CPXM2: variants seen among roughly 807,000 people sequenced by gnomAD.
CPXM2 encodes the protein carboxypeptidase X, M14 family member 2.
CPXM2 carries 66 observed loss-of-function variants against 86.1 expected under a neutral mutation model. The ratio of observed to expected loss-of-function variants is 0.77; its 90% CI spans 0.63 to 0.94. CPXM2 has a LOEUF of 0.94. CPXM2 is among the 40% of genes least tolerant of loss of function. The pLI is 0.00. For missense variants in CPXM2, 948 were observed against 1,026.3 expected (o/e 0.92, Z 1.04); for synonymous variants, 388 against 400.2 (o/e 0.97, Z 0.36).
In CPXM2 at chr10:123,768,818, A is replaced by C. The variant is rs1846558473; in HGVS notation, c.1103-96T>G. ...TGTGTTGGGGGGAAAGTCTTGAATA[A>C]TATAAGCTTACCGTTTTAGACCTAT... On this transcript the variant is annotated intron_variant, in intron 8 of 13. Transcript: ENST00000241305. 2.8e-6 allele frequency: 3 copies of C among 1,084,136 alleles called. No individual in the cohort carries two copies. The Admixed American group carries it at 6.3e-5, about 23-fold the overall frequency. The allele number at this position is 1,084,136 out of a possible 1,614,324, so 67.2% of individuals were successfully genotyped here. A position where few individuals can be genotyped will look rare whatever the true frequency, so the allele number is the denominator to read the frequency against.
chr10:123,763,880 T>A (rs1050547305), intron 10 of CPXM2, among the ~76,000 whole-genome samples: 1 of 152,182 alleles, frequency 6.6e-6, no homozygotes, highest in Non-Finnish European at 1.5e-5. Context: ...ATAGAAATAT[T>A]CTACTTTACA....
intron 3 of CPXM2, among the ~76,000 whole-genome samples, chr10:123,856,107 G>A (rs1038639879): frequency 4.6e-5 from 7 of 152,194 alleles, no homozygotes; most frequent in African/African-American, 1.7e-4. Flanking sequence ...TTTCTTCCAA[G>A]CTCTGATCTA....
chr10:123,794,426 T>C (rs1269335092), intron 6 of CPXM2, among the ~76,000 whole-genome samples: 1 of 152,168 alleles, frequency 6.6e-6, no homozygotes, highest in East Asian at 1.9e-4. Context: ...TGTAGCCTAG[T>C]GGGGTAATCA....
chr10:123,883,746 G>T (rs908595512), intron 1 of CPXM2, among the ~76,000 whole-genome samples: 2 of 152,216 alleles, frequency 1.3e-5, no homozygotes, highest in African/African-American at 4.8e-5. Context: ...AGAGCAAGGA[G>T]GGGACAGAGC....
chr10:123,937,750 A>G (rs926477609), intron 2 of CPXM2, among the ~76,000 whole-genome samples: 5 of 152,080 alleles, frequency 3.3e-5, no homozygotes, highest in Non-Finnish European at 7.4e-5. Flanking sequence ...GGCAACTTTT[A>G]TTTTTCTTTC....
intron 2 of CPXM2, among the ~76,000 whole-genome samples, chr10:123,872,576 T>C (rs951564449): frequency 1.3e-5 from 2 of 152,060 alleles, no homozygotes; most frequent in East Asian, 1.9e-4. Context: ...AGAACGAAAA[T>C]ATTTAAAAGA....
chr10:123,747,453 C>A (rs920760321), intron 13 of CPXM2, among the ~76,000 whole-genome samples: 1 of 152,188 alleles, frequency 6.6e-6, no homozygotes, highest in Admixed American at 6.5e-5. Flanking sequence ...GGGCTTTTCA[C>A]TTCTGGAAAG....
At chr10:123,826,528 G>C (rs749236800) in intron 4 of CPXM2, among the ~76,000 whole-genome samples, 1 of 151,940 alleles carries the variant, frequency 6.6e-6, no homozygotes, top group Non-Finnish European at 1.5e-5. Flanking sequence ...AAGGGGACAG[G>C]GTATGAAGGA....
At chr10:123,760,461 T>C (rs3808965) in intron 11 of CPXM2, among the ~76,000 whole-genome samples, 111,206 of 152,084 alleles carry the variant, frequency 0.73, 41,418 homozygotes, top group Non-Finnish European at 0.81. Context: ...AACTTCAAGC[T>C]TTCTGTACAT....
intron 2 of CPXM2, among the ~76,000 whole-genome samples, chr10:123,926,706 G>C (rs1312339904): frequency 5.9e-5 from 9 of 152,104 alleles, no homozygotes; most frequent in Non-Finnish European, 1.2e-4. Context: ...GAACATAAAC[G>C]TATGTCCAGA....
intron 3 of CPXM2, among the ~76,000 whole-genome samples, chr10:123,862,142 G>A (rs914053278): frequency 1.3e-5 from 2 of 152,332 alleles, no homozygotes; most frequent in South Asian, 4.1e-4. Flanking sequence ...ATGGTCCCAG[G>A]AGCCATGCAG....
In CPXM2 at chr10:123,891,201, G is replaced by A. The variant is rs1380069492; in HGVS notation, c.304+155C>T. 5.3e-5 allele frequency among the ~76,000 whole-genome samples: 8 copies of A among 152,132 alleles called. No individual in the cohort carries two copies. The East Asian group carries it at 9.7e-4, about 18-fold the overall frequency. On this transcript the variant is annotated intron_variant, in intron 1 of 13. Coordinates refer to ENST00000241305, the MANE Select transcript of CPXM2 (RefSeq NM_198148.3). The surrounding 1 kb of genome is among the most constrained non-coding windows in gnomAD (Gnocchi z 5.6). ...GGGAAGCTGGGCGGGCCGGCAGGAA[G>A]CGCAGATACAGTCCCTAGGGAGGCA...
intron 2 of CPXM2, among the ~76,000 whole-genome samples, chr10:123,903,952 C>A (rs953679158): frequency 6.6e-6 from 1 of 152,172 alleles, no homozygotes; most frequent in Non-Finnish European, 1.5e-5. Context: ...TCCTGCCAGC[C>A]CCCACACGGC....
intron 5 of CPXM2, 118 bp downstream of exon 5, chr10:123,798,997 A>C: frequency 9.0e-7 from 1 of 1,106,804 alleles, no homozygotes; most frequent in Admixed American, 1.7e-5. Context: ...CTGTAGTGGT[A>C]GGTTTGAGTT....
At chr10:123,856,341 G>A (rs1848723589) in intron 3 of CPXM2, among the ~76,000 whole-genome samples, 1 of 152,194 alleles carries the variant, frequency 6.6e-6, no homozygotes, top group East Asian at 1.9e-4. Context: ...TCTGTTTGAG[G>A]CTTGCCAGCT....
Position 123,865,618 on chromosome 10 carries a change from T to G in CPXM2, c.404-2895A>C, listed in dbSNP as rs189165251. Among the ~76,000 whole-genome samples the G allele has an allele frequency of 5.4e-3, 827 of 152,270 alleles. 2 individuals are homozygous for G. The highest frequency in any genetic ancestry group is 9.0e-3 in the Non-Finnish European group (612 of 68,004). Reference sequence around the variant, plus strand: ...CTCACGCATGCCTCCAGAGAGGGCCTGACTCACCTGGTCCCCTGGCTGCCC... The same window carrying G: ...CTCACGCATGCCTCCAGAGAGGGCCGGACTCACCTGGTCCCCTGGCTGCCC... On this transcript the variant is annotated intron_variant, in intron 2 of 13. Transcript: ENST00000241305. The surrounding 1 kb of genome is among the most constrained non-coding windows in gnomAD (Gnocchi z 4.7).
intron 2 of CPXM2, among the ~76,000 whole-genome samples, chr10:123,927,922 G>A (rs929662989): frequency 6.6e-6 from 1 of 152,186 alleles, no homozygotes; most frequent in Non-Finnish European, 1.5e-5. Context: ...GTAGGTACCA[G>A]GCACTTCCAT....
intron 8 of CPXM2, among the ~76,000 whole-genome samples, chr10:123,769,233 G>A (rs1023113961): frequency 2.6e-5 from 4 of 152,244 alleles, no homozygotes; most frequent in Admixed American, 6.5e-5. Context: ...GGGTGCTATG[G>A]TTTAATGTAT....
At chr10:123,933,357 G>A (rs1267292896) in intron 2 of CPXM2, among the ~76,000 whole-genome samples, 1 of 152,214 alleles carries the variant, frequency 6.6e-6, no homozygotes, top group Non-Finnish European at 1.5e-5. Flanking sequence ...GGATGCTCAA[G>A]ATGGATGAGC....
Sources: allele counts gnomAD v4.1 joint callset (sites outside exome capture counted in the v4.1 genomes callset), GRCh38; gene constraint gnomAD v4.1.1; non-coding constraint Gnocchi (gnomAD v3.1); transcripts MANE v1.5; gene names NCBI Gene and HGNC (gene_info 2026-07-23, HGNC 2026-07-21).